HHAT: variants seen among roughly 807,000 people sequenced by gnomAD.
The protein encoded by HHAT is protein-cysteine N-palmitoyltransferase HHAT.
A neutral mutation model predicts 70.8 loss-of-function variants in HHAT; 47 were observed. The observed-to-expected ratio is 0.66, with a 90% CI of 0.53 to 0.85. HHAT has a LOEUF of 0.85. Ranked by LOEUF, HHAT falls within the 40% of genes least tolerant of loss-of-function variation. The probability of loss-of-function intolerance (pLI) is 0.00; values close to 1 mark genes in which losing one functional copy is unlikely to be tolerated. For synonymous variants in HHAT, 228 were observed against 247.6 expected (o/e 0.92, Z 0.74); for missense variants, 609 against 604.8 (o/e 1.01, Z -0.07).
chr1:210,658,417 TCATC>T (rs1260818855), intron 11 of HHAT, among the ~76,000 whole-genome samples: 3 of 152,218 alleles, frequency 2.0e-5, no homozygotes, highest in African/African-American at 7.2e-5. Flanking sequence ...AGATATAAGT[TCATC>T]CATCAACTGC....
At chr1:210,468,900 T>C (rs913440556) in intron 8 of HHAT, among the ~76,000 whole-genome samples, 6 of 152,166 alleles carry the variant, frequency 3.9e-5, no homozygotes, top group African/African-American at 1.4e-4. Context: ...AAGCGCTGGC[T>C]ACCTACTAGT....
At chr1:210,477,450 C>T (rs2094322192) in intron 8 of HHAT, among the ~76,000 whole-genome samples, 1 of 152,118 alleles carries the variant, frequency 6.6e-6, no homozygotes, top group Admixed American at 6.5e-5. Context: ...TGGTTTCTGG[C>T]CGAGTCCTGT....
chr1:210,346,198 AG>A (rs1182966618), intron 1 of HHAT, among the ~76,000 whole-genome samples: 4 of 152,194 alleles, frequency 2.6e-5, no homozygotes, highest in Non-Finnish European at 5.9e-5. Context: ...ATCTAATGGC[AG>A]GCCTTCTAAA....
rs1418881739 is a variant in HHAT at position 210,608,197 on chromosome 1, C to T, written c.1246-15329C>T. On this transcript the variant is annotated intron_variant, in intron 10 of 11. Transcript: ENST00000261458. ...TGTACGTGGTTCTTTAGGGCAGTTA[C>T]CAAGAACAAAATAGGATAGAGGAGT... Among the ~76,000 whole-genome samples, 4 of 152,096 alleles carry T rather than the reference C, an allele frequency of 2.6e-5. No homozygotes were observed. In the East Asian group the frequency reaches 7.7e-4, roughly 29 times the overall value.
intron 1 of HHAT, among the ~76,000 whole-genome samples, chr1:210,337,611 C>T (rs1390418226): frequency 6.6e-6 from 1 of 152,206 alleles, no homozygotes; most frequent in Non-Finnish European, 1.5e-5. Flanking sequence ...ACTCTAACCT[C>T]TGCCTCCATC....
intron 9 of HHAT, among the ~76,000 whole-genome samples, chr1:210,577,547 C>T (rs1385656372): frequency 6.6e-6 from 1 of 150,728 alleles, no homozygotes; most frequent in East Asian, 1.9e-4. Context: ...ACATGACGAA[C>T]GATTCTTTCA....
intron 9 of HHAT, among the ~76,000 whole-genome samples, chr1:210,545,609 G>A (rs977403403): frequency 2.0e-5 from 3 of 151,862 alleles, no homozygotes; most frequent in African/African-American, 4.8e-5. Context: ...GCTAACTTTT[G>A]TATTTTTTGT....
At chr1:210,468,414 C>T (rs1326558572) in intron 8 of HHAT, among the ~76,000 whole-genome samples, 1 of 152,218 alleles carries the variant, frequency 6.6e-6, no homozygotes, top group Non-Finnish European at 1.5e-5. Flanking sequence ...TCCTGCACAG[C>T]TTGCCCTCTG....
intron 8 of HHAT, among the ~76,000 whole-genome samples, chr1:210,488,760 G>T (rs1050982452): frequency 6.6e-6 from 1 of 152,160 alleles, no homozygotes; most frequent in Admixed American, 6.5e-5. Flanking sequence ...GAGCTTGGTG[G>T]TACACACCTG....
intron 7 of HHAT, among the ~76,000 whole-genome samples, chr1:210,463,563 G>C (rs1368826258): frequency 6.6e-6 from 1 of 152,148 alleles, no homozygotes; most frequent in Admixed American, 6.5e-5. Flanking sequence ...ATGTTTAGGT[G>C]GTCTCCTCTT....
intron 10 of HHAT, among the ~76,000 whole-genome samples, chr1:210,605,515 TA>T (rs1665210018): frequency 6.6e-6 from 1 of 152,194 alleles, no homozygotes; most frequent in Non-Finnish European, 1.5e-5. Context: ...ATTAAATAAC[TA>T]CTCTGAAAAA....
At chr1:210,582,925 C>A (rs2148772084) in intron 9 of HHAT, among the ~76,000 whole-genome samples, 1 of 152,272 alleles carries the variant, frequency 6.6e-6, no homozygotes, top group South Asian at 2.1e-4. Flanking sequence ...GAATTCTTTC[C>A]TAGAAAGGAC....
At chr1:210,672,036 C>T (rs1400115221) in intron 11 of HHAT, among the ~76,000 whole-genome samples, 2 of 152,166 alleles carry the variant, frequency 1.3e-5, no homozygotes, top group Non-Finnish European at 2.9e-5. Flanking sequence ...TTTTAGTTCC[C>T]ATGCTATGCC....
chr1:210,486,887 A>G (rs141863992), intron 8 of HHAT, among the ~76,000 whole-genome samples: 2 of 152,286 alleles, frequency 1.3e-5, no homozygotes, highest in African/African-American at 4.8e-5. Context: ...GCCTAAAGGA[A>G]AGCTTGATTT....
At chr1:210,650,036 C>T (rs1025776974) in intron 11 of HHAT, among the ~76,000 whole-genome samples, 1 of 152,166 alleles carries the variant, frequency 6.6e-6, no homozygotes, top group Non-Finnish European at 1.5e-5. Context: ...TTTCCCCTGC[C>T]TCCCCAGTAG....
intron 5 of HHAT, 121 bp from the exon 6 acceptor site, chr1:210,404,343 C>G: frequency 1.4e-6 from 1 of 703,850 alleles, no homozygotes. Context: ...GAAGAAATTG[C>G]CTTCCCAGAG....
At chr1:210,383,499 A>G (rs1228265978) in intron 3 of HHAT, among the ~76,000 whole-genome samples, 1 of 152,202 alleles carries the variant, frequency 6.6e-6, no homozygotes, top group Non-Finnish European at 1.5e-5. Context: ...AGGGATGAAG[A>G]GGTAGAGTAC....
intron 11 of HHAT, among the ~76,000 whole-genome samples, chr1:210,660,164 C>A (rs952166862): frequency 1.3e-5 from 2 of 152,146 alleles, no homozygotes; most frequent in Non-Finnish European, 2.9e-5. Context: ...ATTTAGAAAA[C>A]CCCATTGTCT....
At chr1:210,511,791 T>C (rs749798238) in intron 8 of HHAT, among the ~76,000 whole-genome samples, 5 of 75,150 alleles carry the variant, frequency 6.7e-5, no homozygotes, top group Non-Finnish European at 1.4e-4. Flanking sequence ...TTTTTTTTTT[T>C]TTTTTTTTTT....
Sources: gnomAD v4.1 joint callset for allele counts (sites outside exome capture counted in the v4.1 genomes callset) on GRCh38, gnomAD v4.1.1 for gene constraint, MANE v1.5 for transcripts, NCBI Gene and HGNC (gene_info 2026-07-23, HGNC 2026-07-21) for gene names.